ESYT3: variants seen among roughly 807,000 people sequenced by gnomAD.
ESYT3 encodes extended synaptotagmin 3, also known as extended synaptotagmin-3.
A neutral mutation model predicts 111.5 loss-of-function variants in ESYT3; 101 were observed. That is an observed-to-expected ratio of 0.91 (90% CI 0.77 to 1.07). The LOEUF (loss-of-function observed/expected upper bound fraction) is 1.07. Ranked by LOEUF, ESYT3 falls within the 50% of genes least tolerant of loss-of-function variation. The pLI is 0.00. For synonymous variants in ESYT3, 416 were observed against 446.8 expected, an observed-to-expected ratio of 0.93 and a Z score of 0.87; for missense variants, 1,097 against 1,109.4, an observed-to-expected ratio of 0.99 and a Z score of 0.16.
At chr3:138,460,440 G>A (rs2032562553) in intron 6 of ESYT3, among the ~76,000 whole-genome samples, 171 bp from the exon 7 acceptor site, 2 of 152,174 alleles carry the variant, frequency 1.3e-5, no homozygotes, top group African/African-American at 2.4e-5. Flanking sequence ...GCTGGGGGGT[G>A]GCCTCGCCTG....
chr3:138,442,362 G>A lies in ESYT3; in HGVS notation c.327+7237G>A, dbSNP rs531109614. 2.3e-4 allele frequency among the ~76,000 whole-genome samples: 35 copies of A among 152,038 alleles called. 1 individual carries two copies. Among genetic ancestry groups the A allele is most frequent in the Non-Finnish European group, 4.1e-4 (28 of 68,014 alleles). ...ATTCTCCAAACAAACTTCTAAGGACGATCATATCCTTCATATGAATATACC... is the reference window on the plus strand; with the variant it reads ...ATTCTCCAAACAAACTTCTAAGGACAATCATATCCTTCATATGAATATACC... On this transcript the variant is annotated intron_variant, in intron 1 of 22. Coordinates refer to ENST00000389567, the MANE Select transcript of ESYT3 (RefSeq NM_031913.5).
chr3:138,470,139 A>C lies in ESYT3; in HGVS notation c.1583A>C (p.His528Pro), dbSNP rs190159416. The change falls in exon 16 of 23, where the codon CAT becomes CCT. Residue 528 changes from histidine (H) to proline (P), a missense_variant. Physicochemically the swap from His to Pro is moderately conservative, Grantham distance 77 (BLOSUM62 -2). Transcript: ENST00000389567. ...FVHNVATERL[H>P]LKVLDDDQEC... ...CACAATGTGGCCACTGAGCGGCTCCATCTGAAGGTTTGATGGAAGAAGGGC... is the reference window on the plus strand; with the variant it reads ...CACAATGTGGCCACTGAGCGGCTCCCTCTGAAGGTTTGATGGAAGAAGGGC... 6.2e-7 allele frequency: 1 copy of C among 1,611,942 alleles called. No individual in the cohort carries two copies. The highest frequency in any genetic ancestry group is 1.3e-5 in the African/African-American group (1 of 74,886).
At chr3:138,470,581 G>A in intron 16 of ESYT3, 2 of 1,185,694 alleles carry the variant, frequency 1.7e-6, no homozygotes, top group East Asian at 4.1e-5. Flanking sequence ...TTAGGGCCCT[G>A]AGCCCTGCCT....
intron 18 of ESYT3, 60 bp downstream of exon 18, chr3:138,472,919 A>T: frequency 1.3e-6 from 2 of 1,548,130 alleles, no homozygotes; most frequent in Non-Finnish European, 1.7e-6. Flanking sequence ...ACCTCGCTGG[A>T]TGGAAAAGTA....
chr3:138,480,465 TCATGAG>T (rs2033669203), downstream of ESYT3: 1 of 152,192 alleles, frequency 6.6e-6, no homozygotes, highest in Non-Finnish European at 1.5e-5. Flanking sequence ...GATGATATGA[TCATGAG>T]CATGAAATCC....
chr3:138,476,375 C>T lies in ESYT3; in HGVS notation c.2574+47C>T, dbSNP rs369870165. ...TATACCAAGGAGATTATGATCAATT[C>T]GCCTTATCCCAATTTCTTTCCTTAA... On this transcript the variant is annotated intron_variant, in intron 21 of 22. Transcript: ENST00000389567. 4.6e-5 allele frequency: 74 copies of T among 1,597,850 alleles called. No individual in the cohort carries two copies. In the African/African-American group the frequency reaches 5.1e-4, roughly 11 times the overall value.
chr3:138,462,041 G>A (rs1462495831), intron 7 of ESYT3, 45 bp from the exon 8 acceptor site: 2 of 1,611,926 alleles, frequency 1.2e-6, no homozygotes, highest in Admixed American at 1.7e-5. Context: ...GTGGCATGGG[G>A]GAGGCAGTGC....
At chr3:138,481,628 A>T (rs2033690274), downstream of ESYT3, 2 of 151,548 alleles carry the variant, frequency 1.3e-5, no homozygotes, top group Non-Finnish European at 1.5e-5. Flanking sequence ...GGCCTCGCAA[A>T]GTGCTGGGAT....
intron 1 of ESYT3, among the ~76,000 whole-genome samples, chr3:138,449,939 G>A (rs568020591): frequency 6.6e-6 from 1 of 152,342 alleles, no homozygotes; most frequent in Non-Finnish European, 1.5e-5. Flanking sequence ...AGAGCTTCCA[G>A]TGTGTAGGGA....
At chr3:138,443,493 C>G (rs2031306097) in intron 1 of ESYT3, among the ~76,000 whole-genome samples, 1 of 152,190 alleles carries the variant, frequency 6.6e-6, no homozygotes. Flanking sequence ...AGGAGCCAGC[C>G]TGAAGTCCAA....
At chr3:138,469,558 C>G (rs1576462634) in intron 15 of ESYT3, 54 bp downstream of exon 15, 1 of 1,509,644 alleles carries the variant, frequency 6.6e-7, no homozygotes, top group Non-Finnish European at 9.2e-7. Flanking sequence ...CCCAGCCCTT[C>G]TCAGGGAGAG....
At chr3:138,449,625 C>T (rs1226541408) in intron 1 of ESYT3, among the ~76,000 whole-genome samples, 1 of 152,222 alleles carries the variant, frequency 6.6e-6, no homozygotes, top group African/African-American at 2.4e-5. Flanking sequence ...CTTTCGGGGT[C>T]GAGAGATCAG....
intron 1 of ESYT3, among the ~76,000 whole-genome samples, chr3:138,449,289 T>C (rs1003520847): frequency 1.3e-5 from 2 of 152,074 alleles, no homozygotes; most frequent in Non-Finnish European, 2.9e-5. Flanking sequence ...TTTTGCCATG[T>C]TGGCCAGGCT....
At chr3:138,457,259 C>T (rs1321487630) in intron 3 of ESYT3, among the ~76,000 whole-genome samples, 1 of 152,224 alleles carries the variant, frequency 6.6e-6, no homozygotes, top group African/African-American at 2.4e-5. Flanking sequence ...CTTCTGTAAG[C>T]TCCAGTTTCC....
chr3:138,475,823 G>T (rs189768345), intron 20 of ESYT3, among the ~76,000 whole-genome samples: 45 of 152,300 alleles, frequency 3.0e-4, no homozygotes, highest in African/African-American at 9.6e-4. Context: ...CAGCTACTCG[G>T]GAGGCTGAGG....
At chr3:138,441,291 G>A (rs2031134099) in intron 1 of ESYT3, among the ~76,000 whole-genome samples, 1 of 152,208 alleles carries the variant, frequency 6.6e-6, no homozygotes, top group South Asian at 2.1e-4. Context: ...GGAGTGTCCA[G>A]GCAACCTTTT....
In ESYT3 at chr3:138,468,865, T is replaced by C; in HGVS notation, c.1418T>C (p.Leu473Pro). 2 of 1,614,058 alleles carry C rather than the reference T, an allele frequency of 1.2e-6. No individual in the cohort carries two copies. The highest frequency in any genetic ancestry group is 1.7e-6 in the Non-Finnish European group (2 of 1,180,004). Residue 473 changes from leucine (L) to proline (P), a missense_variant, in exon 14 of 23, where the codon CTC becomes CCC. Transcript: ENST00000389567. The part of the protein sequence containing the change: ...YLNGEYRAKK[L>P]SRFARNKVSK... ...AATGGTGAATATCGAGCCAAAAAAC[T>C]CTCCAGGTTTGCCAGAGTGAGTGAG... is the stretch of plus-strand genomic sequence containing the variant.
chr3:138,438,813 TCTC>T (rs1462989779), intron 1 of ESYT3, among the ~76,000 whole-genome samples: 1 of 152,212 alleles, frequency 6.6e-6, no homozygotes, highest in Middle Eastern at 3.2e-3. Context: ...AAGGAAGAAT[TCTC>T]CTTACTAGAA....
intron 8 of ESYT3, among the ~76,000 whole-genome samples, chr3:138,462,918 C>T (rs983182611): frequency 2.0e-5 from 3 of 152,230 alleles, no homozygotes; most frequent in Non-Finnish European, 4.4e-5. Context: ...CCGCCTCAGC[C>T]TCCCAAAGTG....
Sources: gnomAD v4.1 joint callset for allele counts (sites outside exome capture counted in the v4.1 genomes callset) on GRCh38, gnomAD v4.1.1 for gene constraint, MANE v1.5 for transcripts, NCBI Gene and HGNC (gene_info 2026-07-23, HGNC 2026-07-21) for gene names.